PPM1L: variants seen among roughly 807,000 people sequenced by gnomAD.
PPM1L encodes the protein protein phosphatase, Mg2+/Mn2+ dependent 1L, also known as protein phosphatase 1L.
A neutral mutation model predicts 31.4 loss-of-function variants in PPM1L; 13 were observed. The ratio of observed to expected loss-of-function variants is 0.41; its 90% confidence interval spans 0.27 to 0.66. PPM1L has a LOEUF of 0.66. Among genes scored for constraint, PPM1L ranks in the 30% least tolerant of loss-of-function variants. PPM1L has a pLI of 0.29. For missense variants in PPM1L, 326 were observed against 453.7 expected (o/e 0.72, Z 2.56); for synonymous variants, 184 against 175.4 (o/e 1.05, Z -0.39).
intron 2 of PPM1L, among the ~76,000 whole-genome samples, chr3:161,020,426 G>T (rs982786959): frequency 6.6e-6 from 1 of 152,230 alleles, no homozygotes; most frequent in African/African-American, 2.4e-5. Context: ...CTTAACATAA[G>T]CAAGGCTCAT....
At chr3:160,773,754 A>G (rs1711503197) in intron 1 of PPM1L, among the ~76,000 whole-genome samples, 1 of 152,258 alleles carries the variant, frequency 6.6e-6, no homozygotes, top group South Asian at 2.1e-4. Flanking sequence ...GAAGATCTCT[A>G]GGAGCCTCAT....
rs760692444 is a variant in PPM1L at position 160,961,859 on chromosome 3, T to C, written c.523T>C (p.Ser175Pro). Residue 175 changes from serine (S) to proline (P), a missense_variant, in exon 2 of 4, where the codon TCA becomes CCA. Coordinates refer to ENST00000498165, the MANE Select transcript of PPM1L (RefSeq NM_139245.4). The part of the protein sequence containing the change: ...YQTILEQQIL[S>P]IDREMLEKLT... ...GACCATCCTTGAACAGCAGATTTTG[T>C]CAATTGACCGAGAAATGCTAGAAAA... The C allele has an allele frequency of 2.5e-5, 40 of 1,596,424 alleles. No homozygotes were observed. Among genetic ancestry groups the C allele is most frequent in the Non-Finnish European group, 1.7e-6 (2 of 1,172,768 alleles).
chr3:160,884,290 A>G (rs183813449), intron 1 of PPM1L, among the ~76,000 whole-genome samples: 1 of 152,308 alleles, frequency 6.6e-6, no homozygotes, highest in Non-Finnish European at 1.5e-5. Context: ...AGGAGCTGGC[A>G]TTTAGGTGTG....
intron 1 of PPM1L, among the ~76,000 whole-genome samples, chr3:160,793,650 A>T (rs1380176817): frequency 6.6e-6 from 1 of 152,184 alleles, no homozygotes; most frequent in African/African-American, 2.4e-5. Flanking sequence ...TGACTTTTAG[A>T]AGGTGAACTT....
chr3:160,913,489 TACC>T (rs950090702), intron 1 of PPM1L, among the ~76,000 whole-genome samples: 3 of 152,190 alleles, frequency 2.0e-5, no homozygotes, highest in Non-Finnish European at 4.4e-5. Flanking sequence ...GCTGTATAAA[TACC>T]ACCACTATCA....
intron 1 of PPM1L, among the ~76,000 whole-genome samples, chr3:160,774,264 A>G (rs1039380866): frequency 1.3e-5 from 2 of 151,978 alleles, no homozygotes; most frequent in Admixed American, 1.3e-4. Flanking sequence ...CAAGTCTGTG[A>G]GAATTTCTGT....
At chr3:160,775,242 C>G (rs1711537169) in intron 1 of PPM1L, among the ~76,000 whole-genome samples, 1 of 152,192 alleles carries the variant, frequency 6.6e-6, no homozygotes, top group East Asian at 1.9e-4. Flanking sequence ...CTGTCTGATT[C>G]CAAAAGCTAT....
intron 1 of PPM1L, among the ~76,000 whole-genome samples, chr3:160,807,014 C>G (rs1004970934): frequency 3.2e-4 from 48 of 151,992 alleles, no homozygotes; most frequent in Non-Finnish European, 4.3e-4. Flanking sequence ...ACGTCTAGAC[C>G]AGTTACATCA....
chr3:160,940,515 C>G (rs549507243), intron 1 of PPM1L, among the ~76,000 whole-genome samples: 101 of 152,316 alleles, frequency 6.6e-4, no homozygotes, highest in African/African-American at 2.3e-3. Context: ...TGCCTTGTGT[C>G]CCAGCCACTC....
chr3:160,918,060 C>T (rs1163850574), intron 1 of PPM1L, among the ~76,000 whole-genome samples: 3 of 152,196 alleles, frequency 2.0e-5, no homozygotes, highest in East Asian at 3.8e-4. Context: ...ATCCTTCTCA[C>T]TCACAGGAGT....
chr3:161,073,705 G>T lies in PPM1L; in HGVS notation c.*4548G>T, dbSNP rs951804342. The T allele has an allele frequency of 1.3e-5, 2 of 152,322 alleles. No homozygotes were observed. The highest frequency in any genetic ancestry group is 4.8e-5 in the African/African-American group (2 of 41,442). 9.4% of individuals were successfully genotyped at this position (152,322 alleles called of 1,614,324 possible). On this transcript the variant is annotated 3_prime_UTR_variant, in exon 4 of 4. Coordinates refer to ENST00000498165, the MANE Select transcript of PPM1L (RefSeq NM_139245.4). ...GCCTCCTGAGCAGCTGGGACTACAG[G>T]CGGCCTCCACCACACCTGGCTAATT...
At chr3:160,772,611 G>A (rs1304820114) in intron 1 of PPM1L, among the ~76,000 whole-genome samples, 1 of 152,156 alleles carries the variant, frequency 6.6e-6, no homozygotes, top group African/African-American at 2.4e-5. Flanking sequence ...AATTTGATCA[G>A]TTTTGTTATA....
At chr3:160,944,802 C>CATGTTATATATTATATTATATATGTT (rs1559896845) in intron 1 of PPM1L, among the ~76,000 whole-genome samples, 153 of 14,306 alleles carry the variant, frequency 0.011, 5 homozygotes, top group African/African-American at 0.021. Context: ...TTATATATAA[C>CATGTTATATATTATATTATATATGTT]ATATATAACA....
At chr3:160,884,163 G>T (rs770041476) in intron 1 of PPM1L, among the ~76,000 whole-genome samples, 72 of 152,214 alleles carry the variant, frequency 4.7e-4, no homozygotes, top group Non-Finnish European at 9.9e-4. Flanking sequence ...GAGATTAGAA[G>T]ACCTACGGTT....
At chr3:160,895,434 T>G (rs1713303381) in intron 1 of PPM1L, among the ~76,000 whole-genome samples, 3 of 152,106 alleles carry the variant, frequency 2.0e-5, no homozygotes, top group Admixed American at 1.3e-4. Context: ...CCCAGGCTGG[T>G]CTCAAACTCC....
At chr3:161,040,078 T>C (rs1219682848) in intron 2 of PPM1L, among the ~76,000 whole-genome samples, 1 of 152,208 alleles carries the variant, frequency 6.6e-6, no homozygotes, top group Non-Finnish European at 1.5e-5. Context: ...GGTTATTTCA[T>C]TTGTGTGCTC....
At chr3:161,047,273 A>G (rs570734171) in intron 2 of PPM1L, among the ~76,000 whole-genome samples, 3 of 152,242 alleles carry the variant, frequency 2.0e-5, no homozygotes, top group South Asian at 2.1e-4. Context: ...TGCAAAAATC[A>G]CAAGCATTCT....
chr3:161,024,528 A>G (rs1291298513), intron 2 of PPM1L, among the ~76,000 whole-genome samples: 2 of 151,762 alleles, frequency 1.3e-5, no homozygotes, highest in African/African-American at 4.8e-5. Context: ...GAGAAACCCC[A>G]TCTCTACTAA....
At chr3:160,830,628 G>T (rs1402511785) in intron 1 of PPM1L, among the ~76,000 whole-genome samples, 1 of 152,154 alleles carries the variant, frequency 6.6e-6, no homozygotes, top group Non-Finnish European at 1.5e-5. Context: ...CAAATTTTAT[G>T]GTTTCAAGAT....
Sources: gnomAD v4.1 joint callset for allele counts (sites outside exome capture counted in the v4.1 genomes callset) on GRCh38, gnomAD v4.1.1 for gene constraint, MANE v1.5 for transcripts, NCBI Gene and HGNC (gene_info 2026-07-23, HGNC 2026-07-21) for gene names.